The following TMPRSS5 variants were observed in gnomAD, a reference collection of about 807,000 sequenced individuals.
The protein encoded by TMPRSS5 is transmembrane protease serine 5.
TMPRSS5 carries 45 observed loss-of-function variants against 59.7 expected under a neutral mutation model. That is an observed-to-expected ratio of 0.75 (90% confidence interval 0.59 to 0.97). The LOEUF (loss-of-function observed/expected upper bound fraction) is 0.97. Among genes scored for constraint, TMPRSS5 ranks in the 50% least tolerant of loss-of-function variants. TMPRSS5 has a pLI of 0.00. For synonymous variants in TMPRSS5, 225 were observed against 232.0 expected, an observed-to-expected ratio of 0.97 and a Z score of 0.27; for missense variants, 585 against 596.7, an observed-to-expected ratio of 0.98 and a Z score of 0.20.
At chr11:113,703,501 T>C (rs1217750901) in intron 1 of TMPRSS5, among the ~76,000 whole-genome samples, 1 of 152,190 alleles carries the variant, frequency 6.6e-6, no homozygotes, top group Non-Finnish European at 1.5e-5. Flanking sequence ...GTTAAGACTT[T>C]GGGGGACTGT....
chr11:113,699,178 A>C (rs1281996157), intron 3 of TMPRSS5, among the ~76,000 whole-genome samples, 151 bp from the exon 4 acceptor site: 6 of 98,434 alleles, frequency 6.1e-5, no homozygotes, highest in Admixed American at 2.3e-4. Context: ...CTCAGCCTCT[A>C]TCTCTGCCTC....
At chr11:113,697,036 T>A in intron 5 of TMPRSS5, 65 bp from the exon 6 acceptor site, 1 of 1,287,988 alleles carries the variant, frequency 7.8e-7, no homozygotes, top group Non-Finnish European at 1.1e-6. Context: ...GATATAATAC[T>A]AGTATAGTGA....
In TMPRSS5 at chr11:113,706,253, C is replaced by G. The variant is rs377557444; in HGVS notation, c.-29G>C. 6 of 1,599,786 alleles carry G rather than the reference C, an allele frequency of 3.8e-6. No homozygotes were observed. The highest frequency in any genetic ancestry group is 5.1e-6 in the Non-Finnish European group (6 of 1,173,426). ...GGTCAGTGGCACTGTTGTAAAGCCT[C>G]AGGGTCTACTAGGCAATGTTCCGCT... On this transcript the variant is annotated 5_prime_UTR_variant, in exon 1 of 13. Coordinates refer to ENST00000299882, the MANE Select transcript of TMPRSS5 (RefSeq NM_030770.4).
At chr11:113,691,892 C>T (rs373344457) in intron 9 of TMPRSS5, among the ~76,000 whole-genome samples, 13,341 of 120,316 alleles carry the variant, frequency 0.11, 2,327 homozygotes, top group East Asian at 0.28. Flanking sequence ...CCTTTTTTTT[C>T]TTTTTTTTTT....
rs746324106 is a variant in TMPRSS5 at position 113,693,083 on chromosome 11, G to T, written c.952C>A (p.Leu318Ile). 5.7e-6 allele frequency: 9 copies of T among 1,569,944 alleles called. No homozygotes were observed. The highest frequency in any genetic ancestry group is 6.9e-6 in the Non-Finnish European group (8 of 1,156,932). The change falls in exon 9 of 13, where the codon CTC becomes ATC. Residue 318 changes from leucine (L) to isoleucine (I), a missense_variant. By Grantham distance (5) the Leu-to-Ile change is conservative. Coordinates refer to ENST00000299882, the MANE Select transcript of TMPRSS5 (RefSeq NM_030770.4). ...DVALLRLQTA[L>I]NFSDTVGAVC... The stretch of plus-strand genomic sequence containing the variant: ...GCCAGTGCCGCACCTGAGAAGTTGA[G>T]AGCGGTCTGGAGCCTCAGGAGGGCG...
chr11:113,699,272 CCT>C (rs550946661), intron 3 of TMPRSS5, among the ~76,000 whole-genome samples: 929 of 24,024 alleles, frequency 0.039, 104 homozygotes, highest in African/African-American at 0.16. Flanking sequence ...TCTCTCTCTC[CCT>C]CTCTCTCTCT....
intron 11 of TMPRSS5, 95 bp downstream of exon 11, chr11:113,690,136 C>A: frequency 6.8e-7 from 1 of 1,466,776 alleles, no homozygotes; most frequent in Non-Finnish European, 9.1e-7. Context: ...CACTGACAAG[C>A]TCAGACCAGG....
intron 10 of TMPRSS5, 138 bp from the exon 11 acceptor site, chr11:113,690,511 G>C (rs1403119679): frequency 7.6e-7 from 1 of 1,324,282 alleles, no homozygotes; most frequent in African/African-American, 1.5e-5. Context: ...TGTGGACGCT[G>C]AGCAAGGAAG....
At chr11:113,698,788 G>A (rs1450687347) in intron 4 of TMPRSS5, 117 bp downstream of exon 4, 1 of 1,245,950 alleles carries the variant, frequency 8.0e-7, no homozygotes, top group Non-Finnish European at 1.1e-6. Flanking sequence ...CACTAGAGGA[G>A]GGAAACACAT....
rs4936279 is a variant in TMPRSS5, at chr11:113,695,485, C to A, written c.579-42G>T. On this transcript the variant is annotated intron_variant, in intron 6 of 12. Transcript: ENST00000299882. ...CCAACAAGAAGCTGGGCAGGGGCCG[C>A]CCTGCAGCCACACACATCCAAGGAC... is the stretch of plus-strand genomic sequence containing the variant. The A allele has an allele frequency of 0.34, 541,497 of 1,608,236 alleles. 101,772 individuals carry two copies. Among genetic ancestry groups the A allele is most frequent in the African/African-American group, 0.77 (57,545 of 74,908 alleles).
chr11:113,689,627 C>T lies in TMPRSS5; in HGVS notation c.1359+138G>A, dbSNP rs559492198. On this transcript the variant is annotated intron_variant, in intron 12 of 12. Coordinates refer to ENST00000299882, the MANE Select transcript of TMPRSS5 (RefSeq NM_030770.4). ...ATTCCATGTTTAAGCTTCACTTCTTCCTCCACTCACTCTGGGGAATATGTC... is the reference window on the plus strand; with the variant it reads ...ATTCCATGTTTAAGCTTCACTTCTTTCTCCACTCACTCTGGGGAATATGTC... 2.1e-4 allele frequency: 174 copies of T among 835,750 alleles called. No individual in the cohort carries two copies. The African/African-American group carries it at 2.8e-3, about 13-fold the overall frequency. 51.8% of individuals were successfully genotyped at this position (835,750 alleles called of 1,614,324 possible).
At chr11:113,690,172 C>G in intron 11 of TMPRSS5, 59 bp downstream of exon 11, 1 of 755,490 alleles carries the variant, frequency 1.3e-6, no homozygotes, top group Non-Finnish European at 2.2e-6. Flanking sequence ...ACAGCAGGCC[C>G]CCTGCCCTCC....
At chr11:113,697,178 T>C (rs1952952640) in intron 5 of TMPRSS5, 105 bp downstream of exon 5, 3 of 1,487,754 alleles carry the variant, frequency 2.0e-6, no homozygotes, top group Non-Finnish European at 2.7e-6. Flanking sequence ...CCTCTTGACA[T>C]TTCCTGAGCA....
chr11:113,702,062 T>C (rs1016848717), intron 1 of TMPRSS5, among the ~76,000 whole-genome samples: 25 of 127,916 alleles, frequency 2.0e-4, no homozygotes, highest in African/African-American at 8.1e-4. Context: ...GTTTCTGTGT[T>C]AGTCTGCTGA....
intron 1 of TMPRSS5, among the ~76,000 whole-genome samples, chr11:113,704,722 C>T (rs1953239952): frequency 6.6e-6 from 1 of 152,138 alleles, no homozygotes; most frequent in Non-Finnish European, 1.5e-5. Flanking sequence ...AGGAAGCTTC[C>T]TTCTATGCAT....
rs1952715605 is a variant in TMPRSS5 at position 113,689,889 on chromosome 11, G to A, written c.1235C>T (p.Pro412Leu). 1 of 1,569,054 alleles carries A rather than the reference G, an allele frequency of 6.4e-7. No individual in the cohort carries two copies. Among genetic ancestry groups the A allele is most frequent in the East Asian group, 2.4e-5 (1 of 42,182 alleles). Reference sequence around the variant, plus strand: ...CACTAGGCGCCATGTGTCCCCATCTGGGCACACTAGGGGGCCCCCGCTATC... The same window carrying A: ...CACTAGGCGCCATGTGTCCCCATCTAGGCACACTAGGGGGCCCCCGCTATC... Reference protein sequence around the residue: ...QGDSGGPLVCPDGDTWRLVGV... With the variant: ...QGDSGGPLVCLDGDTWRLVGV... Residue 412 changes from proline (P) to leucine (L), a missense_variant, in exon 12 of 13, where the codon CCA (proline) becomes CTA (leucine). By Grantham distance (98) the Pro-to-Leu change is moderately conservative (BLOSUM62 -3). Transcript: ENST00000299882.
rs753218506 is a variant in TMPRSS5 at position 113,689,844 on chromosome 11, C to T, written c.1280G>A (p.Arg427His). Reference sequence around the variant, plus strand: ...TGGGTGATTGGGCTCTGCGCAGCCACGCCCCCAGCTGACCACCCCCACTAG... The same window carrying T: ...TGGGTGATTGGGCTCTGCGCAGCCATGCCCCCAGCTGACCACCCCCACTAG... ...WRLVGVVSWGRGCAEPNHPGV... is the reference protein window; with the variant it reads ...WRLVGVVSWGHGCAEPNHPGV... The change falls in exon 12 of 13, where the codon CGT (arginine) becomes CAT (histidine). Residue 427 changes from arginine (R) to histidine (H), a missense_variant. Arg to His is a conservative substitution (Grantham distance 29, BLOSUM62 0). Coordinates refer to ENST00000299882, the MANE Select transcript of TMPRSS5 (RefSeq NM_030770.4). 22 of 1,593,346 alleles carry T rather than the reference C, an allele frequency of 1.4e-5. No homozygotes were observed. The highest frequency in any genetic ancestry group is 2.3e-5 in the South Asian group (2 of 87,240).
rs747876896 is a variant in TMPRSS5 at position 113,693,088 on chromosome 11, G to C, written c.947C>G (p.Thr316Ser). The C allele has an allele frequency of 1.3e-6, 2 of 1,575,722 alleles. No homozygotes were observed. Among genetic ancestry groups the C allele is most frequent in the Non-Finnish European group, 1.7e-6 (2 of 1,160,068 alleles). ...TGCCGCACCTGAGAAGTTGAGAGCG[G>C]TCTGGAGCCTCAGGAGGGCGACGTC... ...DYDVALLRLQ[T>S]ALNFSDTVGA... The change falls in exon 9 of 13, where the codon ACC becomes AGC. Residue 316 changes from threonine to serine, a missense_variant. Coordinates refer to ENST00000299882, the MANE Select transcript of TMPRSS5 (RefSeq NM_030770.4).
intron 1 of TMPRSS5, 31 bp from the exon 2 acceptor site, chr11:113,700,199 C>A: frequency 6.7e-7 from 1 of 1,493,480 alleles, no homozygotes; most frequent in South Asian, 1.4e-5. Context: ...CACCCAGGAT[C>A]CCCACATCAA....
Sources: allele counts gnomAD v4.1 joint callset (sites outside exome capture counted in the v4.1 genomes callset), GRCh38; gene constraint gnomAD v4.1.1; transcripts MANE v1.5; gene names NCBI Gene and HGNC (gene_info 2026-07-23, HGNC 2026-07-21).